NTRK2: variants seen among roughly 807,000 people sequenced by gnomAD.
The protein encoded by NTRK2 is BDNF/NT-3 growth factors receptor.
NTRK2 carries 13 observed loss-of-function variants against 94.5 expected under a neutral mutation model. The observed-to-expected ratio is 0.14, with a 90% CI of 0.09 to 0.22. NTRK2 has a LOEUF of 0.22. Among genes scored for constraint, NTRK2 ranks in the 10% least tolerant of loss-of-function variants. The probability of loss-of-function intolerance (pLI) is 1.00; values close to 1 mark genes in which losing one functional copy is unlikely to be tolerated. For synonymous variants in NTRK2, 372 were observed against 407.4 expected (o/e 0.91, Z 1.05); for missense variants, 639 against 1,071.2 (o/e 0.60, Z 5.63).
intron 8 of NTRK2, 87 bp downstream of exon 8, chr9:84,724,443 TA>T: frequency 6.7e-7 from 1 of 1,498,458 alleles, no homozygotes; most frequent in Non-Finnish European, 9.3e-7. Context: ...GGGTGCTGCT[TA>T]AATTTGTTAA....
intron 14 of NTRK2, among the ~76,000 whole-genome samples, chr9:84,911,660 A>G (rs984684010): frequency 1.3e-5 from 2 of 152,020 alleles, no homozygotes; most frequent in Non-Finnish European, 1.5e-5. Flanking sequence ...TTTTCTTTGT[A>G]TTACTAGAAG....
At chr9:84,806,745 A>G (rs748802644) in intron 12 of NTRK2, among the ~76,000 whole-genome samples, 1 of 152,242 alleles carries the variant, frequency 6.6e-6, no homozygotes, top group African/African-American at 2.4e-5. Flanking sequence ...AAATTAAGAC[A>G]ATAGGTGTTT....
chr9:84,909,553 T>C (rs557715478), intron 14 of NTRK2, among the ~76,000 whole-genome samples: 1 of 152,190 alleles, frequency 6.6e-6, no homozygotes, highest in South Asian at 2.1e-4. Context: ...CCACCAGCAA[T>C]GTATGAGTGA....
intron 15 of NTRK2, among the ~76,000 whole-genome samples, chr9:84,941,080 C>T (rs2078393103): frequency 6.6e-6 from 1 of 152,156 alleles, no homozygotes; most frequent in Non-Finnish European, 1.5e-5. Flanking sequence ...TTGCACAAAG[C>T]ACTGCAACAT....
At chr9:84,728,550 C>T (rs1052342058) in intron 9 of NTRK2, among the ~76,000 whole-genome samples, 3 of 152,086 alleles carry the variant, frequency 2.0e-5, no homozygotes, top group African/African-American at 7.2e-5. Context: ...GTATGGTTGG[C>T]TCGTGATGCA....
At chr9:84,795,851 C>T (rs900829999) in intron 12 of NTRK2, among the ~76,000 whole-genome samples, 4 of 152,164 alleles carry the variant, frequency 2.6e-5, no homozygotes, top group African/African-American at 7.2e-5. Flanking sequence ...GGCTGCTCTC[C>T]TATGGCTCTG....
At chr9:84,692,327 T>C (rs1219983867) in intron 2 of NTRK2, among the ~76,000 whole-genome samples, 1 of 152,178 alleles carries the variant, frequency 6.6e-6, no homozygotes, top group African/African-American at 2.4e-5. Context: ...TGTGCAAGTA[T>C]TAGTTCATTT....
chr9:84,753,197 G>T (rs2064793294), intron 12 of NTRK2, among the ~76,000 whole-genome samples: 1 of 152,148 alleles, frequency 6.6e-6, no homozygotes, highest in South Asian at 2.1e-4. Context: ...CCTGGTTCCT[G>T]CTTGGCCAGC....
chr9:84,907,559 A>G (rs763160269), intron 14 of NTRK2, among the ~76,000 whole-genome samples: 5 of 152,222 alleles, frequency 3.3e-5, no homozygotes, highest in Non-Finnish European at 7.3e-5. Context: ...AAAAATCCCA[A>G]AAGCTCTGCT....
chr9:84,716,305 T>A (rs1376243495), intron 6 of NTRK2, among the ~76,000 whole-genome samples: 1 of 152,190 alleles, frequency 6.6e-6, no homozygotes, highest in African/African-American at 2.4e-5. Context: ...AAAATACTAT[T>A]TATGATAGTG....
At chr9:84,927,023 T>C (rs186397045) in intron 14 of NTRK2, among the ~76,000 whole-genome samples, 6 of 152,382 alleles carry the variant, frequency 3.9e-5, no homozygotes, top group Admixed American at 2.6e-4. Context: ...TCATTGTGCC[T>C]ATCGGCATCC....
chr9:84,670,531 G>A lies in NTRK2; in HGVS notation c.-218G>A. 3.4e-6 allele frequency: 2 copies of A among 587,470 alleles called. No individual in the cohort carries two copies. The highest frequency in any genetic ancestry group is 6.1e-6 in the Non-Finnish European group (2 of 329,146). 36.4% of individuals were successfully genotyped at this position (587,470 alleles called of 1,614,324 possible). A position where few individuals can be genotyped will look rare whatever the true frequency, so the allele number is the denominator to read the frequency against. ...CAGCGGTAGCGCCCCCCTGTAAAGC[G>A]GTTCGCTATGCCGGGGCCACTGTGA... is the stretch of plus-strand genomic sequence containing the variant. On this transcript the variant is annotated 5_prime_UTR_variant, in exon 2 of 19. Transcript: ENST00000277120.
chr9:84,710,666 C>G lies in NTRK2; in HGVS notation c.458C>G (p.Ser153Cys). Residue 153 changes from serine (S) to cysteine (C), a missense_variant, in exon 6 of 19, where the codon TCC (serine) becomes TGC (cysteine). Around this residue, in one of 5 missense-constraint regions of NTRK2, gnomAD observed 206 missense variants for 251.5 expected, o/e 0.82. Coordinates refer to ENST00000277120, the MANE Select transcript of NTRK2 (RefSeq NM_006180.6). ...LILVGNPFTCSCDIMWIKTLQ... is the reference protein window; with the variant it reads ...LILVGNPFTCCCDIMWIKTLQ... ...CTGGTGGGCAATCCATTTACATGCT[C>G]CTGTGACATTATGTGGATCAAGACT... 6.2e-7 allele frequency: 1 copy of G among 1,614,134 alleles called. No homozygotes were observed. The highest frequency in any genetic ancestry group is 8.5e-7 in the Non-Finnish European group (1 of 1,180,010).
chr9:84,905,473 T>G (rs1564451600), intron 14 of NTRK2, among the ~76,000 whole-genome samples: 1 of 152,210 alleles, frequency 6.6e-6, no homozygotes, highest in Non-Finnish European at 1.5e-5. Flanking sequence ...TCTTCCAAGC[T>G]ATCTTACAAA....
intron 12 of NTRK2, among the ~76,000 whole-genome samples, chr9:84,817,568 T>C (rs2072508940): frequency 1.3e-5 from 2 of 152,262 alleles, no homozygotes; most frequent in Admixed American, 1.3e-4. Flanking sequence ...TGAATACAGC[T>C]GGCCTCACTA....
chr9:84,730,740 C>CAA (rs376667135), intron 9 of NTRK2, among the ~76,000 whole-genome samples: 8,501 of 14,682 alleles, frequency 0.58, 2,795 homozygotes, highest in Non-Finnish European at 0.67. Flanking sequence ...GACTCCGTCT[C>CAA]AAAAAAAAAA....
chr9:84,996,950 T>G lies in NTRK2; in HGVS notation c.2173-23256T>G, dbSNP rs368580961. Among the ~76,000 whole-genome samples, 5 of 152,330 alleles carry G rather than the reference T, an allele frequency of 3.3e-5. No homozygotes were observed. In the East Asian group the frequency reaches 9.7e-4, roughly 29 times the overall value. On this transcript the variant is annotated intron_variant, in intron 17 of 18. Transcript: ENST00000277120. ...GTTTCATGGCTGTTTCAGTGCAGTA[T>G]GTGCACTGTGGCTGTTTCAATGCAG... is the stretch of plus-strand genomic sequence containing the variant.
chr9:84,783,204 A>G (rs1486158062), intron 12 of NTRK2, among the ~76,000 whole-genome samples: 2 of 152,176 alleles, frequency 1.3e-5, no homozygotes, highest in Non-Finnish European at 2.9e-5. Flanking sequence ...CTGTGAAGGG[A>G]CATTTTGTGT....
At chr9:84,735,631 G>C (rs988057461) in intron 9 of NTRK2, among the ~76,000 whole-genome samples, 1 of 152,232 alleles carries the variant, frequency 6.6e-6, no homozygotes, top group African/African-American at 2.4e-5. Context: ...TGTGGCTTAA[G>C]AAGGCTAGGG....
Sources: allele counts gnomAD v4.1 joint callset (sites outside exome capture counted in the v4.1 genomes callset), GRCh38; gene constraint gnomAD v4.1.1; regional missense constraint gnomAD v4.1.1; transcripts MANE v1.5; gene names NCBI Gene and HGNC (gene_info 2026-07-23, HGNC 2026-07-21).